DHTKD1: variants seen among roughly 807,000 people sequenced by gnomAD.
DHTKD1 encodes 2-oxoadipate dehydrogenase complex component E1.
In DHTKD1, 78 loss-of-function variants were observed where a neutral mutation model predicts 101.8. The ratio of observed to expected loss-of-function variants is 0.77; its 90% CI spans 0.64 to 0.93. DHTKD1 has a LOEUF of 0.93. DHTKD1 is among the 40% of genes least tolerant of loss of function. The pLI is 0.00. For missense variants in DHTKD1, 1,223 were observed against 1,161.7 expected, an observed-to-expected ratio of 1.05 and a Z score of -0.77; for synonymous variants, 462 against 450.3, an observed-to-expected ratio of 1.03 and a Z score of -0.33.
Position 12,109,823 on chromosome 10 carries a change from T to C in DHTKD1, c.2154+1808T>C, listed in dbSNP as rs1039267138. ...TACTAAAAATAAATAAATAAATAAA[T>C]AGATGAGGCATAAGAATGAACCACT... On this transcript the variant is annotated intron_variant, in intron 12 of 16. Transcript: ENST00000263035. Among the ~76,000 whole-genome samples, 14 of 151,784 alleles carry C rather than the reference T, an allele frequency of 9.2e-5. No individual in the cohort carries two copies. The East Asian group carries it at 2.5e-3, about 27-fold the overall frequency.
chr10:12,119,023 T>A, intron 15 of DHTKD1, 105 bp downstream of exon 15: 1 of 1,211,674 alleles, frequency 8.3e-7, no homozygotes, highest in Non-Finnish European at 1.1e-6. Context: ...AATTGAATCT[T>A]GGGCCGGGCG....
Position 12,120,940 on chromosome 10 carries a change from C to A in DHTKD1, c.*52C>A. The A allele has an allele frequency of 6.5e-7, 1 of 1,538,420 alleles. No homozygotes were observed. Among genetic ancestry groups the A allele is most frequent in the Non-Finnish European group, 8.9e-7 (1 of 1,124,010 alleles). ...CTCTTTAAGAAAATGGCCATTAAGG[C>A]CGGGTGGGGTGGCACATGCCTGTAA... is the stretch of plus-strand genomic sequence containing the variant. On this transcript the variant is annotated 3_prime_UTR_variant, in exon 17 of 17. Coordinates refer to ENST00000263035, the MANE Select transcript of DHTKD1 (RefSeq NM_018706.7).
At chr10:12,119,625 AAAAAAAAAAAG>A (rs991882351) in intron 15 of DHTKD1, among the ~76,000 whole-genome samples, 2 of 151,566 alleles carry the variant, frequency 1.3e-5, no homozygotes, top group African/African-American at 4.8e-5. Context: ...CAAAAAAAAA[AAAAAAAAAAAG>A]AAAGAAAATT....
intron 9 of DHTKD1, 123 bp downstream of exon 9, chr10:12,100,385 C>T (rs893763282): frequency 1.5e-5 from 8 of 533,744 alleles, no homozygotes; most frequent in African/African-American, 1.2e-4. Flanking sequence ...TCAAGCGATT[C>T]TCCTGCCCCA....
chr10:12,081,623 G>A lies in DHTKD1; in HGVS notation c.306G>A (p.Thr102=), dbSNP rs775431352. The change falls in exon 2 of 17, where the codon ACG becomes ACA. Residue 102 remains threonine (T), a synonymous_variant. Coordinates refer to ENST00000263035, the MANE Select transcript of DHTKD1 (RefSeq NM_018706.7). ...LVQTLQGPFH[T]AGLLNMGKEE... Reference sequence around the variant, plus strand: ...AGACACTGCAGGGACCCTTCCACACGGCAGGTATGGCTTCTGCACAGCAGG... The same window carrying A: ...AGACACTGCAGGGACCCTTCCACACAGCAGGTATGGCTTCTGCACAGCAGG... 3.1e-5 allele frequency: 50 copies of A among 1,613,922 alleles called. No individual in the cohort carries two copies. The highest frequency in any genetic ancestry group is 5.0e-5 in the Admixed American group (3 of 59,960).
rs1833469330 is a variant in DHTKD1 at position 12,118,899 on chromosome 10, C to T, written c.2553C>T (p.Ser851=). ...TGGATTCTTTACAGCAAGAGATGAG[C>T]AAATACAAACATGTTAAAGGTAAGA... The part of the protein sequence containing the change: ...FPLDSLQQEM[S]KYKHVKDHIW... Residue 851 remains serine (S), a synonymous_variant, in exon 15 of 17, where the codon AGC becomes AGT. Coordinates refer to ENST00000263035, the MANE Select transcript of DHTKD1 (RefSeq NM_018706.7). The T allele has an allele frequency of 1.3e-6, 2 of 1,580,108 alleles. No homozygotes were observed. Among genetic ancestry groups the T allele is most frequent in the Admixed American group, 1.9e-5 (1 of 53,936 alleles).
chr10:12,092,768 A>C (rs566280953), intron 6 of DHTKD1, among the ~76,000 whole-genome samples: 61 of 152,036 alleles, frequency 4.0e-4, no homozygotes, highest in African/African-American at 1.4e-3. Flanking sequence ...AGGCCATTGC[A>C]CTACAGCGTG....
rs534859266 is a variant in DHTKD1 at position 12,120,373 on chromosome 10, G to C, written c.2658+106G>C. The C allele has an allele frequency of 1.8e-4, 183 of 995,562 alleles. No homozygotes were observed. In the African/African-American group the frequency reaches 2.8e-3, roughly 15 times the overall value. The allele number at this position is 995,562 out of a possible 1,614,324, so 61.7% of individuals were successfully genotyped here. ...TTTTGAGACAGAGTCTCACTCTGTT[G>C]CCCAGGCTGGAGTGCAGTGGCGCAA... On this transcript the variant is annotated intron_variant, in intron 16 of 16. Transcript: ENST00000263035.
chr10:12,089,241 G>A lies in DHTKD1; in HGVS notation c.973G>A (p.Val325Ile), dbSNP rs141096646. The A allele has an allele frequency of 8.3e-5, 134 of 1,613,980 alleles. No homozygotes were observed. In the African/African-American group the frequency reaches 1.4e-3, roughly 17 times the overall value. ...CAACTCAGCCCAGCCGGGGGACAGG[G>A]TCATTTGCTTACAGGTACTTGGAGC... ...PDNSAQPGDR[V>I]ICLQVHGDAS... Residue 325 changes from valine (V) to isoleucine (I), a missense_variant, in exon 5 of 17, where the codon GTC becomes ATC. Val to Ile is a conservative substitution (Grantham distance 29, BLOSUM62 3). Coordinates refer to ENST00000263035, the MANE Select transcript of DHTKD1 (RefSeq NM_018706.7).
chr10:12,070,730 CCACTGGCCTTGGCCTCCTAAAGTGCT>C (rs1832639492), intron 1 of DHTKD1, among the ~76,000 whole-genome samples: 1 of 152,166 alleles, frequency 6.6e-6, no homozygotes, highest in African/African-American at 2.4e-5. Context: ...CTGAAGTGAT[CCACTGGCCTTGGCCTCCTAAAGTGCT>C]GGGATTACAG....
chr10:12,100,236 T>C lies in DHTKD1; in HGVS notation c.1730T>C (p.Leu577Pro). The C allele has an allele frequency of 1.9e-6, 3 of 1,582,566 alleles. No individual in the cohort carries two copies. Among genetic ancestry groups the C allele is most frequent in the Non-Finnish European group, 2.6e-6 (3 of 1,162,860 alleles). The change falls in exon 9 of 17, where the codon CTT becomes CCT. Residue 577 changes from leucine to proline, a missense_variant. Physicochemically the swap from Leu to Pro is moderately conservative, Grantham distance 98. Coordinates refer to ENST00000263035, the MANE Select transcript of DHTKD1 (RefSeq NM_018706.7). ...IKLDWATAEA[L>P]ALGSLLAQGF... ...CTAGACTGGGCCACCGCGGAAGCTC[T>C]TGCCTTGGGTTCTTTACTTGCTCAA...
chr10:12,120,208 C>G lies in DHTKD1; in HGVS notation c.2599C>G (p.Gln867Glu). ...TCATATTTGGAGTCAGGAGGAACCT[C>G]AGAACATGGGTCCGTGGTCGTTTGT... ...KDHIWSQEEP[Q>E]NMGPWSFVSP... Residue 867 changes from glutamine to glutamate, a missense_variant, in exon 16 of 17, where the codon CAG becomes GAG. Physicochemically the swap from Gln to Glu is conservative, Grantham distance 29. Coordinates refer to ENST00000263035, the MANE Select transcript of DHTKD1 (RefSeq NM_018706.7). 1.2e-6 allele frequency: 2 copies of G among 1,613,976 alleles called. No individual in the cohort carries two copies. The highest frequency in any genetic ancestry group is 2.2e-5 in the South Asian group (2 of 91,084).
chr10:12,098,913 G>A (rs1000497164), intron 8 of DHTKD1, among the ~76,000 whole-genome samples: 7 of 152,218 alleles, frequency 4.6e-5, no homozygotes, highest in African/African-American at 1.2e-4. Flanking sequence ...GCTCCTATCT[G>A]TAATACCAGT....
intron 10 of DHTKD1, 100 bp downstream of exon 10, chr10:12,101,281 A>G (rs1298451320): frequency 7.3e-7 from 1 of 1,372,994 alleles, no homozygotes; most frequent in East Asian, 2.5e-5. Context: ...CTTTGGGTTC[A>G]GTACTTTTGG....
rs540552818 is a variant in DHTKD1 at position 12,118,866 on chromosome 10, C to T, written c.2520C>T (p.Pro840=). 1.7e-5 allele frequency: 27 copies of T among 1,606,908 alleles called. No individual in the cohort carries two copies. In the African/African-American group the frequency reaches 2.9e-4, roughly 18 times the overall value. ...TCATCCGAGTAGAGGAACTCTGCCC[C>T]TTCCCGTTGGATTCTTTACAGCAAG... ...FAIIRVEELC[P]FPLDSLQQEM... Residue 840 remains proline (P), a synonymous_variant, in exon 15 of 17, where the codon CCC becomes CCT. Coordinates refer to ENST00000263035, the MANE Select transcript of DHTKD1 (RefSeq NM_018706.7).
At chr10:12,118,662 G>A (rs570720725) in intron 14 of DHTKD1, 87 bp from the exon 15 acceptor site, 58 of 1,161,576 alleles carry the variant, frequency 5.0e-5, no homozygotes, top group Admixed American at 5.8e-5. Context: ...GATTACAGGC[G>A]TGAGCTACTG....
At chr10:12,073,758 C>T (rs1832684510) in intron 1 of DHTKD1, among the ~76,000 whole-genome samples, 1 of 152,196 alleles carries the variant, frequency 6.6e-6, no homozygotes, top group Non-Finnish European at 1.5e-5. Flanking sequence ...CCACCAGGCC[C>T]CACAGCTTGG....
At position 12,090,265 on chromosome 10, in the gene DHTKD1, C is replaced by T. The variant is rs568835408; in HGVS notation, c.987+1010C>T. 3.9e-5 allele frequency among the ~76,000 whole-genome samples: 6 copies of T among 152,200 alleles called. No homozygotes were observed. The East Asian group carries it at 5.8e-4, about 15-fold the overall frequency. On this transcript the variant is annotated intron_variant, in intron 5 of 16. Coordinates refer to ENST00000263035, the MANE Select transcript of DHTKD1 (RefSeq NM_018706.7). ...AAATATTCTATGTTTGTAAATGCCA[C>T]GTTATCCTATGCATTTTAATTTTTC...
chr10:12,096,634 G>A (rs757465769), intron 7 of DHTKD1, among the ~76,000 whole-genome samples: 1 of 152,220 alleles, frequency 6.6e-6, no homozygotes. Flanking sequence ...GCAGGCATGA[G>A]CCTCCTCACC....
Sources: allele counts gnomAD v4.1 joint callset (sites outside exome capture counted in the v4.1 genomes callset), GRCh38; gene constraint gnomAD v4.1.1; transcripts MANE v1.5; gene names NCBI Gene and HGNC (gene_info 2026-07-23, HGNC 2026-07-21).